The following LARGE1 variants were observed in gnomAD, a reference collection of about 807,000 sequenced individuals.
LARGE1 encodes xylosyl- and glucuronyltransferase LARGE1.
A neutral mutation model predicts 87.6 loss-of-function variants in LARGE1; 43 were observed. That is an observed-to-expected ratio of 0.49 (90% CI 0.38 to 0.63). The LOEUF is 0.63. Ranked by LOEUF, LARGE1 falls within the 30% of genes least tolerant of loss-of-function variation. The pLI is 0.00. For synonymous variants in LARGE1, 434 were observed against 394.6 expected (o/e 1.10, Z -1.18); for missense variants, 802 against 1,000.2 (o/e 0.80, Z 2.67).
At chr22:33,641,412 C>T (rs546145031) in intron 3 of LARGE1, among the ~76,000 whole-genome samples, 4 of 152,196 alleles carry the variant, frequency 2.6e-5, no homozygotes, top group South Asian at 2.1e-4. Flanking sequence ...GATAAATCTA[C>T]GAAGATGAAG....
chr22:33,761,259 A>G, intron 2 of LARGE1, 112 bp downstream of exon 2: 2 of 898,460 alleles, frequency 2.2e-6, no homozygotes, highest in South Asian at 2.6e-5. Flanking sequence ...ACTTCCCATG[A>G]CTGGAAATAC....
At chr22:33,635,186 A>G (rs1350871169) in intron 3 of LARGE1, among the ~76,000 whole-genome samples, 1 of 152,032 alleles carries the variant, frequency 6.6e-6, no homozygotes, top group Non-Finnish European at 1.5e-5. Context: ...CTATGAAGGA[A>G]TCTGAACCCC....
chr22:33,426,686 G>T (rs747166401), intron 7 of LARGE1, among the ~76,000 whole-genome samples: 4 of 152,148 alleles, frequency 2.6e-5, no homozygotes, highest in Non-Finnish European at 5.9e-5. Context: ...AACCTCAGAG[G>T]TGAGCCAGTC....
At chr22:33,452,372 A>G (rs1322114051) in intron 6 of LARGE1, among the ~76,000 whole-genome samples, 1 of 152,168 alleles carries the variant, frequency 6.6e-6, no homozygotes, top group African/African-American at 2.4e-5. Flanking sequence ...TTGAGGAGAA[A>G]GGCCATTTCC....
chr22:33,311,255 C>T (rs2283887), intron 11 of LARGE1, among the ~76,000 whole-genome samples: 72,135 of 151,644 alleles, frequency 0.48, 18,704 homozygotes, highest in African/African-American at 0.71. Context: ...CCACCGCGCC[C>T]GGCCCCGGAC....
intron 1 of LARGE1, among the ~76,000 whole-genome samples, chr22:33,804,400 G>A (rs1267988507): frequency 6.6e-6 from 1 of 152,154 alleles, no homozygotes; most frequent in Non-Finnish European, 1.5e-5. Flanking sequence ...GGCACAAAGG[G>A]CAAGGACCAT....
At chr22:33,747,141 T>C (rs1234041927) in intron 2 of LARGE1, among the ~76,000 whole-genome samples, 1 of 152,136 alleles carries the variant, frequency 6.6e-6, no homozygotes, top group Non-Finnish European at 1.5e-5. Context: ...GGAAATACTC[T>C]CTCAGGTTCC....
chr22:33,517,147 G>A (rs753809653), intron 6 of LARGE1, among the ~76,000 whole-genome samples: 7 of 152,042 alleles, frequency 4.6e-5, no homozygotes, highest in Admixed American at 1.3e-4. Flanking sequence ...CTGTGAATAC[G>A]TATTAACTGA....
the LARGE1 span, among the ~76,000 whole-genome samples, chr22:33,084,521 G>A: frequency 6.6e-6 from 1 of 151,664 alleles, no homozygotes; most frequent in Admixed American, 6.6e-5. Context: ...CTGGTGTGGT[G>A]GCTCACACCT....
intron 1 of LARGE1, among the ~76,000 whole-genome samples, chr22:33,797,006 C>T (rs541239896): frequency 2.0e-5 from 3 of 152,126 alleles, no homozygotes; most frequent in South Asian, 2.1e-4. Flanking sequence ...TCAAGTGATC[C>T]GCCTGCCTCA....
At position 33,206,121 on chromosome 22, in the gene LARGE1, A is replaced by AT. The variant is rs544876586; in HGVS notation, c.1731-39290dup. Among the ~76,000 whole-genome samples, 326 of 152,036 alleles carry AT rather than the reference A, an allele frequency of 2.1e-3. 17 individuals are homozygous for AT. The South Asian group carries it at 0.065, about 30-fold the overall frequency. On this transcript the variant is annotated intron_variant, in intron 11 of 11. Transcript: ENST00000608642. ...AGGCGCCCGCCACCACACCCGGCTA[A>AT]TTTTTTGTGTATTTTTAGTAGAGAC...
rs1365862305 is a variant in LARGE1, at chr22:33,360,601, G to A, written c.1131+21318C>T. 2.7e-5 allele frequency among the ~76,000 whole-genome samples: 4 copies of A among 149,330 alleles called. 1 individual carries two copies. Among genetic ancestry groups the A allele is most frequent in the Non-Finnish European group, 6.0e-5 (4 of 67,028 alleles). On this transcript the variant is annotated intron_variant, in intron 9 of 14. Coordinates refer to ENST00000397394, the MANE Select transcript of LARGE1 (RefSeq NM_133642.5). The stretch of plus-strand genomic sequence containing the variant: ...GCGGATGGTGCTAAACCATTCATGA[G>A]AAACCACCCCCATGATCCAAGCACC...
intron 3 of LARGE1, among the ~76,000 whole-genome samples, chr22:33,638,743 C>G (rs2080343640): frequency 6.6e-6 from 1 of 152,224 alleles, no homozygotes; most frequent in Admixed American, 6.5e-5. Context: ...GTGTGAATTA[C>G]ATGAGATATT....
chr22:33,378,354 A>C (rs2065051044), intron 9 of LARGE1, among the ~76,000 whole-genome samples: 1 of 152,164 alleles, frequency 6.6e-6, no homozygotes, highest in Non-Finnish European at 1.5e-5. Context: ...AACAGACAAC[A>C]ACCTCTACTG....
intron 10 of LARGE1, among the ~76,000 whole-genome samples, chr22:33,320,142 T>C (rs949525983): frequency 3.3e-5 from 5 of 152,216 alleles, no homozygotes; most frequent in African/African-American, 1.2e-4. Context: ...TTCTGACCTG[T>C]ATGATTAAAT....
chr22:33,652,059 C>A (rs1344630614), intron 2 of LARGE1, among the ~76,000 whole-genome samples: 2 of 152,066 alleles, frequency 1.3e-5, no homozygotes, highest in Non-Finnish European at 2.9e-5. Flanking sequence ...GTATACAGTC[C>A]CAGCTACTCG....
chr22:33,461,601 A>C (rs1283193765), intron 6 of LARGE1, among the ~76,000 whole-genome samples: 1 of 151,668 alleles, frequency 6.6e-6, no homozygotes, highest in Non-Finnish European at 1.5e-5. Flanking sequence ...ATGTATACAC[A>C]TGTAACAAAC....
At chr22:33,129,811 G>T in the LARGE1 span, among the ~76,000 whole-genome samples, 3 of 152,090 alleles carry the variant, frequency 2.0e-5, no homozygotes, top group Non-Finnish European at 4.4e-5. Flanking sequence ...CATGAGACTC[G>T]CTATCACGAG....
At chr22:33,126,195 C>T in the LARGE1 span, among the ~76,000 whole-genome samples, 1 of 152,192 alleles carries the variant, frequency 6.6e-6, no homozygotes, top group South Asian at 2.1e-4. Context: ...TAGGACACGG[C>T]TGGAAGTTTC....
Sources: allele counts gnomAD v4.1 joint callset (sites outside exome capture counted in the v4.1 genomes callset), GRCh38; gene constraint gnomAD v4.1.1; transcripts MANE v1.5; gene names NCBI Gene and HGNC (gene_info 2026-07-23, HGNC 2026-07-21).